The following ABLIM2 variants were observed in gnomAD, a reference collection of about 807,000 sequenced individuals.
The protein encoded by ABLIM2 is actin binding LIM protein family member 2.
In ABLIM2, 53 loss-of-function variants were observed where a neutral mutation model predicts 97.7. The observed-to-expected ratio is 0.54, with a 90% CI of 0.44 to 0.68. The LOEUF (loss-of-function observed/expected upper bound fraction) is 0.68. Among genes scored for constraint, ABLIM2 ranks in the 30% least tolerant of loss-of-function variants. The pLI, the probability that ABLIM2 is intolerant of heterozygous loss-of-function variation, is 0.00. For missense variants in ABLIM2, 835 were observed against 867.2 expected, an observed-to-expected ratio of 0.96 and a Z score of 0.47; for synonymous variants, 361 against 345.8, an observed-to-expected ratio of 1.04 and a Z score of -0.49.
chr4:8,079,986 T>C lies in ABLIM2; in HGVS notation c.581+690A>G, dbSNP rs1244639659. 2.6e-5 allele frequency among the ~76,000 whole-genome samples: 4 copies of C among 152,284 alleles called. 1 individual carries two copies. The highest frequency in any genetic ancestry group is 4.1e-4 in the South Asian group (2 of 4,830). ...ACATATTCGCCCCTCACCTGCACCA[T>C]GCGGAAGGCTTGCCTGCCTCAGGTC... On this transcript the variant is annotated intron_variant, in intron 5 of 20. Transcript: ENST00000447017.
intron 20 of ABLIM2, among the ~76,000 whole-genome samples, chr4:7,980,286 CAG>C (rs1251084025): frequency 6.6e-6 from 1 of 152,162 alleles, no homozygotes; most frequent in Non-Finnish European, 1.5e-5. Context: ...AACATTAAAA[CAG>C]AGATCTTAAA....
At chr4:8,013,269 C>G (rs112192709) in intron 14 of ABLIM2, among the ~76,000 whole-genome samples, 1 of 131,964 alleles carries the variant, frequency 7.6e-6, no homozygotes, top group Non-Finnish European at 1.5e-5. Context: ...GTTGCCCAGG[C>G]TGGAGTGCAA....
At chr4:8,031,490 G>A (rs1190469813) in intron 10 of ABLIM2, among the ~76,000 whole-genome samples, 1 of 152,234 alleles carries the variant, frequency 6.6e-6, no homozygotes, top group African/African-American at 2.4e-5. Context: ...ACAGCACCCA[G>A]GTACCATGGC....
intron 1 of ABLIM2, among the ~76,000 whole-genome samples, chr4:8,154,628 T>C (rs1714649266): frequency 6.6e-6 from 1 of 152,250 alleles, no homozygotes; most frequent in East Asian, 1.9e-4. Context: ...AGAAATTCTT[T>C]ACATATGTAG....
chr4:8,128,195 T>C lies in ABLIM2; in HGVS notation c.11-21558A>G, dbSNP rs1198316803. Among the ~76,000 whole-genome samples the C allele has an allele frequency of 1.3e-5, 2 of 152,208 alleles. No individual in the cohort carries two copies. Among genetic ancestry groups the C allele is most frequent in the African/African-American group, 4.8e-5 (2 of 41,458 alleles). ...ACAGGCCGTCTTCCCTGTGTGTCTC[T>C]GCGTGTCCTTTTTAGTCTCTTATGA... On this transcript the variant is annotated intron_variant, in intron 1 of 20. Transcript: ENST00000447017. The surrounding 1 kb of genome is among the most constrained non-coding windows in gnomAD (Gnocchi z 4.9).
At chr4:7,981,291 G>A (rs1738202118) in intron 20 of ABLIM2, among the ~76,000 whole-genome samples, 1 of 151,968 alleles carries the variant, frequency 6.6e-6, no homozygotes. Flanking sequence ...TTGATTACAG[G>A]TCTTAATAAC....
At position 8,067,037 on chromosome 4, in the gene ABLIM2, T is replaced by G. The variant is rs2152269375; in HGVS notation, c.676-5983A>C. 6.6e-6 allele frequency: 1 copy of G among 152,282 alleles called. No homozygotes were observed. The highest frequency in any genetic ancestry group is 2.1e-4 in the South Asian group (1 of 4,826). The allele number at this position is 152,282 out of a possible 1,614,324, so 9.4% of individuals were successfully genotyped here. The stretch of plus-strand genomic sequence containing the variant: ...CACAGCAGCCCCTTGGGGTGAACAC[T>G]CTTGTCTATCCTTGTTTTCCAGAGG... On this transcript the variant is annotated intron_variant, in intron 6 of 20. Transcript: ENST00000447017. This position sits in a 1 kb window ranked among gnomAD's most constrained non-coding sequence, Gnocchi z 5.4.
At position 8,085,397 on chromosome 4, in the gene ABLIM2, G is replaced by A. The variant is rs140258834; in HGVS notation, c.454+2772C>T. 2.6e-3 allele frequency among the ~76,000 whole-genome samples: 399 copies of A among 152,276 alleles called. 1 individual carries two copies. The highest frequency in any genetic ancestry group is 9.0e-3 in the African/African-American group (376 of 41,572). On this transcript the variant is annotated intron_variant, in intron 4 of 20. Transcript: ENST00000447017. This position sits in a 1 kb window ranked among gnomAD's most constrained non-coding sequence, Gnocchi z 6.1. ...GAGAACACCACGGCGTGGCTTTGGA[G>A]GAAGCTGCCATCTGGTGTTGGTGTC...
chr4:7,967,263 T>A (rs900800865), intron 20 of ABLIM2, among the ~76,000 whole-genome samples, 160 bp from the exon 21 acceptor site: 3 of 152,130 alleles, frequency 2.0e-5, no homozygotes, highest in African/African-American at 7.2e-5. Context: ...ACACCCTCTC[T>A]GCAGTGAAAG....
rs1381662258 is a variant in ABLIM2, at chr4:7,985,316, C to G, written c.1681-423G>C. Among the ~76,000 whole-genome samples the G allele has an allele frequency of 2.0e-5, 3 of 152,284 alleles. No individual in the cohort carries two copies. In the East Asian group the frequency reaches 5.8e-4, roughly 30 times the overall value. ...CTGCGGTTCCCCGTTGGTGATCTGT[C>G]CCCTCCACATGGTGGGTTCCTGAGC... On this transcript the variant is annotated intron_variant, in intron 17 of 20. Transcript: ENST00000447017.
intron 7 of ABLIM2, 30 bp downstream of exon 7, chr4:8,060,937 G>C (rs1175751924): frequency 1.4e-5 from 21 of 1,541,416 alleles, no homozygotes; most frequent in Non-Finnish European, 1.8e-5. Context: ...CCTTGCTCTA[G>C]GGGACCAAAC....
rs1375550901 is a variant in ABLIM2 at position 8,005,125 on chromosome 4, A to G, written c.1618+2934T>C. ...TGCAGATGGTGTTGTGGGTGAGATG[A>G]GTTTGTGATCGGGCCCTTGCGAAGC... On this transcript the variant is annotated intron_variant, in intron 16 of 20. Coordinates refer to ENST00000447017, the MANE Select transcript of ABLIM2 (RefSeq NM_001130083.2). This position sits in a 1 kb window ranked among gnomAD's most constrained non-coding sequence, Gnocchi z 4.9. 6.6e-6 allele frequency among the ~76,000 whole-genome samples: 1 copy of G among 152,094 alleles called. No individual in the cohort carries two copies.
rs1849232444 is a variant in ABLIM2 at position 8,130,686 on chromosome 4, G to T, written c.11-24049C>A. Among the ~76,000 whole-genome samples the T allele has an allele frequency of 6.6e-6, 1 of 152,152 alleles. No individual in the cohort carries two copies. Among genetic ancestry groups the T allele is most frequent in the Non-Finnish European group, 1.5e-5 (1 of 68,014 alleles). On this transcript the variant is annotated intron_variant, in intron 1 of 20. Coordinates refer to ENST00000447017, the MANE Select transcript of ABLIM2 (RefSeq NM_001130083.2). This position sits in a 1 kb window ranked among gnomAD's most constrained non-coding sequence, Gnocchi z 4.2. ...GCAGAGGGGCTTCCTGGAGGAGGGG[G>T]TATCAAAGTCCAGCTGTGAGATGGA...
At position 7,966,981 on chromosome 4, in the gene ABLIM2, T is replaced by A; in HGVS notation, c.*9A>T. 1 of 1,607,472 alleles carries A rather than the reference T, an allele frequency of 6.2e-7. No individual in the cohort carries two copies. Among genetic ancestry groups the A allele is most frequent in the Non-Finnish European group, 8.5e-7 (1 of 1,176,392 alleles). ...CCCGGCACACACCAGTGGGGCAGGC[T>A]GGCAGCCGTCAGAACAAAAGGGCTT... On this transcript the variant is annotated 3_prime_UTR_variant, in exon 21 of 21. Transcript: ENST00000447017.
intron 20 of ABLIM2, among the ~76,000 whole-genome samples, chr4:7,976,492 T>A (rs1028796261): frequency 1.3e-5 from 2 of 152,168 alleles, no homozygotes; most frequent in Admixed American, 6.5e-5. Flanking sequence ...AAAACCAAAC[T>A]GCTTAACACA....
In ABLIM2 at chr4:8,002,089, C is replaced by G. The variant is rs113598507; in HGVS notation, c.1618+5970G>C. On this transcript the variant is annotated intron_variant, in intron 16 of 20. Coordinates refer to ENST00000447017, the MANE Select transcript of ABLIM2 (RefSeq NM_001130083.2). The surrounding 1 kb of genome is among the most constrained non-coding windows in gnomAD (Gnocchi z 6.1). ...GGAACACAAACTCAGGACACAGCCACGTACTCACAGTTGGAGTGGCTGGGG... is the reference window on the plus strand; with the variant it reads ...GGAACACAAACTCAGGACACAGCCAGGTACTCACAGTTGGAGTGGCTGGGG... 0.013 allele frequency among the ~76,000 whole-genome samples: 2,017 copies of G among 152,286 alleles called. 46 individuals carry two copies. Among genetic ancestry groups the G allele is most frequent in the African/African-American group, 0.045 (1,881 of 41,536 alleles).
At chr4:8,053,906 C>T (rs1285840555) in intron 8 of ABLIM2, among the ~76,000 whole-genome samples, 2 of 152,238 alleles carry the variant, frequency 1.3e-5, no homozygotes, top group Non-Finnish European at 2.9e-5. Flanking sequence ...ATTTCCCCAC[C>T]TCCAGAACCA....
rs4006048 is a variant in ABLIM2, at chr4:8,016,043, A to ATTTTT, written c.1423+3570_1423+3574dup. ...GAGGTGATTTCTTTTTTGTTGTTGT[A>ATTTTT]TTTTTTTTTTTTTTTTTTTGAGATG... On this transcript the variant is annotated intron_variant, in intron 14 of 20. Transcript: ENST00000447017. Among the ~76,000 whole-genome samples, 351 of 111,068 alleles carry ATTTTT rather than the reference A, an allele frequency of 3.2e-3. 9 individuals are homozygous for ATTTTT. Among genetic ancestry groups the ATTTTT allele is most frequent in the African/African-American group, 7.3e-3 (199 of 27,076 alleles). 72.9% of individuals were successfully genotyped at this position (111,068 alleles called of 152,430 possible).
In ABLIM2 at chr4:8,072,536, C is replaced by A. The variant is rs1177537047; in HGVS notation, c.675+5092G>T. Reference sequence around the variant, plus strand: ...CTGACTGCACCCAAGATACACCCCACTTTAGGCCACCAGATGTTCCAACGT... The same window carrying A: ...CTGACTGCACCCAAGATACACCCCAATTTAGGCCACCAGATGTTCCAACGT... On this transcript the variant is annotated intron_variant, in intron 6 of 20. Transcript: ENST00000447017. The surrounding 1 kb of genome is among the most constrained non-coding windows in gnomAD (Gnocchi z 5.8). 1.6e-4 allele frequency among the ~76,000 whole-genome samples: 25 copies of A among 152,232 alleles called. No homozygotes were observed. Among genetic ancestry groups the A allele is most frequent in the Admixed American group, 1.4e-3 (22 of 15,284 alleles).
Sources: gnomAD v4.1 joint callset for allele counts (sites outside exome capture counted in the v4.1 genomes callset) on GRCh38, gnomAD v4.1.1 for gene constraint, Gnocchi (gnomAD v3.1) non-coding constraint, MANE v1.5 for transcripts, NCBI Gene and HGNC (gene_info 2026-07-23, HGNC 2026-07-21) for gene names.